ARFGEF3: variants seen among roughly 807,000 people sequenced by gnomAD.
The protein encoded by ARFGEF3 is brefeldin A-inhibited guanine nucleotide-exchange protein 3.
ARFGEF3 carries 96 observed loss-of-function variants against 221.7 expected under a neutral mutation model. The observed-to-expected ratio is 0.43, with a 90% CI of 0.37 to 0.51. ARFGEF3 has a LOEUF of 0.51. Among genes scored for constraint, ARFGEF3 ranks in the 20% least tolerant of loss-of-function variants. The probability of loss-of-function intolerance (pLI) is 0.00; values close to 1 mark genes in which losing one functional copy is unlikely to be tolerated. For missense variants in ARFGEF3, 2,410 were observed against 2,789.9 expected, an observed-to-expected ratio of 0.86 and a Z score of 3.07; for synonymous variants, 1,145 against 1,126.8, an observed-to-expected ratio of 1.02 and a Z score of -0.32.
intron 1 of ARFGEF3, among the ~76,000 whole-genome samples, chr6:138,167,381 C>T (rs187494815): frequency 2.6e-5 from 4 of 152,302 alleles, no homozygotes; most frequent in African/African-American, 9.6e-5. Context: ...AACGCACACC[C>T]CGCAACTTAG....
chr6:138,321,264 T>C (rs1166643663), intron 29 of ARFGEF3, 39 bp downstream of exon 29: 2 of 1,128,726 alleles, frequency 1.8e-6, no homozygotes, highest in East Asian at 5.3e-5. Flanking sequence ...AAAGCTGGAG[T>C]TTTTATTTAA....
chr6:138,273,092 A>G (rs554100403), intron 12 of ARFGEF3, among the ~76,000 whole-genome samples: 75 of 152,368 alleles, frequency 4.9e-4, no homozygotes, highest in African/African-American at 1.7e-3. Flanking sequence ...ACATATTTTT[A>G]GAAAACGTCA....
At chr6:138,218,351 A>G (rs1209162727) in intron 4 of ARFGEF3, 2 of 1,550,920 alleles carry the variant, frequency 1.3e-6, no homozygotes, top group Admixed American at 3.9e-5. Flanking sequence ...TGTGAATAAT[A>G]TTGTGCATAT....
At chr6:138,226,254 G>A (rs763297548) in intron 4 of ARFGEF3, among the ~76,000 whole-genome samples, 4 of 152,076 alleles carry the variant, frequency 2.6e-5, no homozygotes, top group Non-Finnish European at 5.9e-5. Flanking sequence ...TCATATTAAC[G>A]TGACCACATT....
At chr6:138,194,811 A>G (rs950683147) in intron 2 of ARFGEF3, among the ~76,000 whole-genome samples, 12 of 151,954 alleles carry the variant, frequency 7.9e-5, no homozygotes, top group African/African-American at 2.9e-4. Flanking sequence ...GTTATTGATA[A>G]ATTGGAAAGG....
At position 138,161,939 on chromosome 6, in the gene ARFGEF3, G is replaced by T. The variant is rs1360858829; in HGVS notation, c.-148G>T. On this transcript the variant is annotated 5_prime_UTR_variant, in exon 1 of 34. Transcript: ENST00000251691. ...ACGTGGCCCGCGGCATGGAGCGGGCGTGATTCATCAGCATCCGCGCCGGGG... is the reference window on the plus strand; with the variant it reads ...ACGTGGCCCGCGGCATGGAGCGGGCTTGATTCATCAGCATCCGCGCCGGGG... The T allele has an allele frequency of 1.7e-5, 4 of 229,252 alleles. No individual in the cohort carries two copies. Among genetic ancestry groups the T allele is most frequent in the Non-Finnish European group, 2.4e-5 (3 of 122,632 alleles). 14.2% of individuals were successfully genotyped at this position (229,252 alleles called of 1,614,324 possible).
chr6:138,285,745 A>G (rs1164163236), intron 14 of ARFGEF3, among the ~76,000 whole-genome samples: 1 of 152,242 alleles, frequency 6.6e-6, no homozygotes, highest in Non-Finnish European at 1.5e-5. Context: ...ATGTAACAGA[A>G]GAATAAATAC....
At chr6:138,198,430 G>A (rs1351917183) in intron 2 of ARFGEF3, among the ~76,000 whole-genome samples, 2 of 152,198 alleles carry the variant, frequency 1.3e-5, no homozygotes, top group African/African-American at 4.8e-5. Flanking sequence ...TAACTGCACT[G>A]TAGAGAAAAT....
intron 1 of ARFGEF3, among the ~76,000 whole-genome samples, chr6:138,166,796 G>A (rs117576393): frequency 0.028 from 4,255 of 152,230 alleles, 81 homozygotes; most frequent in Non-Finnish European, 0.044. Context: ...ATGGAGGAGC[G>A]GGGAAAGAAA....
chr6:138,298,456 G>A, intron 21 of ARFGEF3, 150 bp from the exon 22 acceptor site: 2 of 585,840 alleles, frequency 3.4e-6, no homozygotes, highest in Middle Eastern at 4.4e-4. Flanking sequence ...TTAGTATGCA[G>A]TTTGTTTAGA....
Position 138,340,846 on chromosome 6 carries a change from C to T in ARFGEF3, c.*4360C>T, listed in dbSNP as rs928042685. On this transcript the variant is annotated 3_prime_UTR_variant, in exon 34 of 34. Coordinates refer to ENST00000251691, the MANE Select transcript of ARFGEF3 (RefSeq NM_020340.5). ...TGAAAAAAAGTTTCAAGGAACGAGG[C>T]CATGAAAATGAGACTATTTGACATC... 1 of 151,852 alleles carries T rather than the reference C, an allele frequency of 6.6e-6. No individual in the cohort carries two copies. Among genetic ancestry groups the T allele is most frequent in the African/African-American group, 2.4e-5 (1 of 41,300 alleles). 9.4% of individuals were successfully genotyped at this position (151,852 alleles called of 1,614,324 possible).
rs1780445249 is a variant in ARFGEF3 at position 138,342,408 on chromosome 6, G to A, written c.*5922G>A. On this transcript the variant is annotated 3_prime_UTR_variant, in exon 34 of 34. Coordinates refer to ENST00000251691, the MANE Select transcript of ARFGEF3 (RefSeq NM_020340.5). ...ATCTACCCTTGGGCAGATGACTTGG[G>A]ATTGGATTCTATACAGCAGTCTTGC... 6.6e-6 allele frequency: 1 copy of A among 152,170 alleles called. No individual in the cohort carries two copies. Among genetic ancestry groups the A allele is most frequent in the South Asian group, 2.1e-4 (1 of 4,830 alleles). The allele number at this position is 152,170 out of a possible 1,614,324, so 9.4% of individuals were successfully genotyped here.
At chr6:138,213,707 G>C (rs1201288169) in intron 4 of ARFGEF3, among the ~76,000 whole-genome samples, 1 of 152,034 alleles carries the variant, frequency 6.6e-6, no homozygotes, top group Non-Finnish European at 1.5e-5. Context: ...GTGATGGGGA[G>C]ATGATAGGAA....
chr6:138,248,416 G>A (rs1203409187), intron 8 of ARFGEF3, among the ~76,000 whole-genome samples: 1 of 152,040 alleles, frequency 6.6e-6, no homozygotes, highest in Non-Finnish European at 1.5e-5. Flanking sequence ...GCATTGGCAG[G>A]GAATAGAACG....
chr6:138,256,201 C>T (rs141187980), intron 10 of ARFGEF3, among the ~76,000 whole-genome samples: 1 of 152,248 alleles, frequency 6.6e-6, no homozygotes, highest in East Asian at 1.9e-4. Flanking sequence ...AAGAGGAATC[C>T]CTTTGTCCCA....
chr6:138,273,416 A>G (rs931917084), intron 12 of ARFGEF3, among the ~76,000 whole-genome samples: 10 of 152,166 alleles, frequency 6.6e-5, no homozygotes, highest in African/African-American at 2.4e-4. Context: ...TCTTAATTAT[A>G]GAGAGAGAGA....
At chr6:138,171,635 G>T (rs1776833815) in intron 2 of ARFGEF3, among the ~76,000 whole-genome samples, 1 of 152,092 alleles carries the variant, frequency 6.6e-6, no homozygotes, top group African/African-American at 2.4e-5. Context: ...AAAGAAAGTT[G>T]TCCATAACTA....
At chr6:138,311,236 T>G (rs1779822047) in intron 24 of ARFGEF3, among the ~76,000 whole-genome samples, 171 bp from the exon 25 acceptor site, 1 of 152,242 alleles carries the variant, frequency 6.6e-6, no homozygotes, top group Non-Finnish European at 1.5e-5. Context: ...GGAGAATGGC[T>G]GAAAGGATTT....
rs141094520 is a variant in ARFGEF3 at position 138,209,955 on chromosome 6, G to T, written c.265G>T (p.Asp89Tyr). 716 of 1,613,892 alleles carry T rather than the reference G, an allele frequency of 4.4e-4. No homozygotes were observed. Among genetic ancestry groups the T allele is most frequent in the Admixed American group, 2.8e-3 (168 of 60,024 alleles). ...ERFVSMETDS[D>Y]EKQLLNQILN... is the part of the protein sequence containing the mutation. ...GTTTGTATCCATGGAAACAGATTCT[G>T]ATGAGAAGCAGCTGCTCAATCAGAT... is the stretch of plus-strand genomic sequence containing the variant. The change falls in exon 4 of 34, where the codon GAT (aspartate) becomes TAT (tyrosine). Residue 89 changes from aspartate (D) to tyrosine (Y), a missense_variant. Physicochemically the swap from Asp to Tyr is radical, Grantham distance 160. Around this residue, in one of 5 missense-constraint regions of ARFGEF3, gnomAD observed 570 missense variants for 586.9 expected, o/e 0.97. Coordinates refer to ENST00000251691, the MANE Select transcript of ARFGEF3 (RefSeq NM_020340.5).
Sources: allele counts gnomAD v4.1 joint callset (sites outside exome capture counted in the v4.1 genomes callset), GRCh38; gene constraint gnomAD v4.1.1; regional missense constraint gnomAD v4.1.1; transcripts MANE v1.5; gene names NCBI Gene and HGNC (gene_info 2026-07-23, HGNC 2026-07-21).